The following IMMP2L variants were observed in gnomAD, a reference collection of about 807,000 sequenced individuals.
The protein encoded by IMMP2L is inner mitochondrial membrane peptidase subunit 2, also known as mitochondrial inner membrane protease subunit 2.
Under a neutral mutation model 19.3 loss-of-function variants are expected in IMMP2L, and 18 were observed. The ratio of observed to expected loss-of-function variants is 0.93; its 90% CI spans 0.64 to 1.38. The LOEUF (loss-of-function observed/expected upper bound fraction) is 1.38, where lower values mean the gene tolerates loss of function less well. IMMP2L is among the 40% of genes most tolerant of loss of function. The pLI is 0.00. For synonymous variants in IMMP2L, 76 were observed against 73.0 expected (o/e 1.04, Z -0.21); for missense variants, 233 against 218.2 (o/e 1.07, Z -0.43).
intron 1 of IMMP2L, among the ~76,000 whole-genome samples, chr7:111,550,364 A>G (rs1196366732): frequency 6.6e-6 from 1 of 152,178 alleles, no homozygotes; most frequent in Non-Finnish European, 1.5e-5. Context: ...TGTATACTAT[A>G]AGCATACATA....
At chr7:110,927,641 A>C (rs1175483189) in intron 4 of IMMP2L, among the ~76,000 whole-genome samples, 1 of 152,134 alleles carries the variant, frequency 6.6e-6, no homozygotes, top group African/African-American at 2.4e-5. Flanking sequence ...GGAAGCTTCT[A>C]GATTCTGGAA....
chr7:111,364,011 C>A (rs949043858), intron 3 of IMMP2L, among the ~76,000 whole-genome samples: 3 of 152,030 alleles, frequency 2.0e-5, no homozygotes, highest in Admixed American at 1.3e-4. Flanking sequence ...CCCCCCCACA[C>A]ACACACATCT....
chr7:111,555,447 A>T (rs1321253529), intron 1 of IMMP2L, among the ~76,000 whole-genome samples: 1 of 82,526 alleles, frequency 1.2e-5, no homozygotes, highest in East Asian at 6.0e-4. Flanking sequence ...GCGACAACCT[A>T]ATCTTCATTC....
At chr7:110,868,305 CAA>C (rs1808200558) in intron 5 of IMMP2L, among the ~76,000 whole-genome samples, 1 of 151,922 alleles carries the variant, frequency 6.6e-6, no homozygotes. Flanking sequence ...CTGTTTGAAA[CAA>C]AAGAGGCATG....
At chr7:110,682,519 C>A (rs1216714592) in intron 5 of IMMP2L, among the ~76,000 whole-genome samples, 1 of 152,044 alleles carries the variant, frequency 6.6e-6, no homozygotes, top group Non-Finnish European at 1.5e-5. Flanking sequence ...AGATTGGACA[C>A]AACTCAGCAA....
At chr7:110,681,298 G>A (rs1349241346) in intron 5 of IMMP2L, among the ~76,000 whole-genome samples, 2 of 152,018 alleles carry the variant, frequency 1.3e-5, no homozygotes, top group Non-Finnish European at 2.9e-5. Context: ...GTGAAATGAG[G>A]TATAGAACCC....
At position 111,538,989 on chromosome 7, in the gene IMMP2L, G is replaced by A. The variant is rs190456689; in HGVS notation, c.-2-17540C>T. Among the ~76,000 whole-genome samples the A allele has an allele frequency of 2.3e-3, 336 of 148,650 alleles. 3 individuals carry two copies. The highest frequency in any genetic ancestry group is 7.8e-3 in the African/African-American group (314 of 40,326). On this transcript the variant is annotated intron_variant, in intron 1 of 5. Coordinates refer to ENST00000405709, the MANE Select transcript of IMMP2L (RefSeq NM_032549.4). ...ACAAAAATTAGCCAGGTGTGGTGGC[G>A]CATGCCTGTAGTCCCAGCTACTCGG... is the stretch of plus-strand genomic sequence containing the variant.
chr7:111,280,661 A>G (rs76723195), intron 3 of IMMP2L, among the ~76,000 whole-genome samples: 2,446 of 152,258 alleles, frequency 0.016, 60 homozygotes, highest in African/African-American at 0.054. Context: ...GTACAGGATG[A>G]CTTCCCAAAA....
Position 111,532,975 on chromosome 7 carries a change from C to CT in IMMP2L, c.-2-11527dup, listed in dbSNP as rs1190864658. ...TCCCTTGGAATGAGTGCTTATGGTC[C>CT]TTTTAGCTTATAAGTGCAAGTGTAC... On this transcript the variant is annotated intron_variant, in intron 1 of 5. Coordinates refer to ENST00000405709, the MANE Select transcript of IMMP2L (RefSeq NM_032549.4). 5.3e-5 allele frequency among the ~76,000 whole-genome samples: 8 copies of CT among 152,242 alleles called. No individual in the cohort carries two copies. In the East Asian group the frequency reaches 1.5e-3, roughly 29 times the overall value.
chr7:110,911,851 T>C lies in IMMP2L; in HGVS notation c.306-25156A>G, dbSNP rs74666383. ...CAAGATTTCCTGGAAAATTCATGTATGTATTTCAAGCATTTGACGGGACAG... is the reference window on the plus strand; with the variant it reads ...CAAGATTTCCTGGAAAATTCATGTACGTATTTCAAGCATTTGACGGGACAG... On this transcript the variant is annotated intron_variant, in intron 4 of 5. Coordinates refer to ENST00000405709, the MANE Select transcript of IMMP2L (RefSeq NM_032549.4). 9.5e-3 allele frequency among the ~76,000 whole-genome samples: 1,443 copies of C among 152,252 alleles called. 20 individuals carry two copies. Among genetic ancestry groups the C allele is most frequent in the African/African-American group, 0.032 (1,333 of 41,566 alleles).
chr7:110,737,899 C>T (rs977722985), intron 5 of IMMP2L, among the ~76,000 whole-genome samples: 8 of 152,264 alleles, frequency 5.3e-5, no homozygotes, highest in African/African-American at 1.7e-4. Context: ...TGTAGACCCT[C>T]GCTAGTACCA....
intron 3 of IMMP2L, among the ~76,000 whole-genome samples, chr7:111,079,792 C>T (rs1259129518): frequency 6.6e-6 from 1 of 152,154 alleles, no homozygotes; most frequent in Non-Finnish European, 1.5e-5. Flanking sequence ...AATTCATATA[C>T]TGATGGCACT....
At chr7:110,994,529 C>G (rs531769922) in intron 3 of IMMP2L, among the ~76,000 whole-genome samples, 1 of 152,134 alleles carries the variant, frequency 6.6e-6, no homozygotes. Context: ...TTCTTTCTCA[C>G]TTTCTCTCTT....
intron 3 of IMMP2L, among the ~76,000 whole-genome samples, chr7:111,251,555 A>C (rs1816125206): frequency 6.6e-6 from 1 of 152,188 alleles, no homozygotes; most frequent in Non-Finnish European, 1.5e-5. Flanking sequence ...ATGGAATACT[A>C]TGCAGCCATA....
rs575262428 is a variant in IMMP2L at position 110,887,689 on chromosome 7, T to C, written c.306-994A>G. Among the ~76,000 whole-genome samples the C allele has an allele frequency of 1.7e-4, 26 of 150,110 alleles. No individual in the cohort carries two copies. In the East Asian group the frequency reaches 5.1e-3, roughly 29 times the overall value. On this transcript the variant is annotated intron_variant, in intron 4 of 5. Coordinates refer to ENST00000405709, the MANE Select transcript of IMMP2L (RefSeq NM_032549.4). ...CTAAACGAAAGAGACAGGCTTACAA[T>C]AAAATATTATCCTAATCCCACAATA...
intron 3 of IMMP2L, among the ~76,000 whole-genome samples, chr7:110,977,548 A>C (rs1422669926): frequency 6.6e-6 from 1 of 152,038 alleles, no homozygotes; most frequent in Non-Finnish European, 1.5e-5. Context: ...CTCGCTTCTA[A>C]GATGACTACA....
chr7:110,785,483 T>G (rs17157959), intron 5 of IMMP2L, among the ~76,000 whole-genome samples: 5,626 of 151,966 alleles, frequency 0.037, 319 homozygotes, highest in African/African-American at 0.12. Context: ...ACAATGAGCT[T>G]GGAGAGCAAA....
chr7:110,917,525 T>C (rs554487343), intron 4 of IMMP2L, among the ~76,000 whole-genome samples: 1 of 152,314 alleles, frequency 6.6e-6, no homozygotes, highest in African/African-American at 2.4e-5. Context: ...CTCATATTTG[T>C]TGATGAAGAA....
At chr7:111,096,493 T>C (rs1312028469) in intron 3 of IMMP2L, among the ~76,000 whole-genome samples, 1 of 132,202 alleles carries the variant, frequency 7.6e-6, no homozygotes, top group African/African-American at 2.8e-5. Context: ...GCTATTGCTA[T>C]GCCTGAGTTA....
Sources: gnomAD v4.1 joint callset for allele counts (sites outside exome capture counted in the v4.1 genomes callset) on GRCh38, gnomAD v4.1.1 for gene constraint, MANE v1.5 for transcripts, NCBI Gene and HGNC (gene_info 2026-07-23, HGNC 2026-07-21) for gene names.